Variants in C20orf202 observed in about 807,000 individuals in gnomAD.
C20orf202 encodes uncharacterized protein C20orf202.
A neutral mutation model predicts 5.3 loss-of-function variants in C20orf202; 5 were observed. The observed-to-expected ratio is 0.94, with a 90% CI of 0.49 to 1.98. The LOEUF (loss-of-function observed/expected upper bound fraction) is 1.98. Ranked by LOEUF, C20orf202 falls within the 30% of genes most tolerant of loss-of-function variation. The pLI is 0.01. For synonymous variants in C20orf202, 48 were observed against 50.0 expected (o/e 0.96, Z 0.16); for missense variants, 135 against 123.5 (o/e 1.09, Z -0.44).
In C20orf202 at chr20:1,207,185, A is replaced by T; in HGVS notation, c.*83A>T. On this transcript the variant is annotated 3_prime_UTR_variant, in exon 2 of 2. Coordinates refer to ENST00000400633, the MANE Select transcript of C20orf202 (RefSeq NM_001394958.1). ...TGATATTTCAGGGGCAGAGTGTTGGAATGGGAGTCAGAAAGCCAGGGCTCT... is the reference window on the plus strand; with the variant it reads ...TGATATTTCAGGGGCAGAGTGTTGGTATGGGAGTCAGAAAGCCAGGGCTCT... The T allele has an allele frequency of 9.8e-7, 1 of 1,022,318 alleles. No homozygotes were observed. Among genetic ancestry groups the T allele is most frequent in the Non-Finnish European group, 1.4e-6 (1 of 727,712 alleles). 63.3% of individuals were successfully genotyped at this position (1,022,318 alleles called of 1,614,324 possible).
chr20:1,205,897 A>C (rs1000142386), intron 1 of C20orf202, among the ~76,000 whole-genome samples: 3 of 152,078 alleles, frequency 2.0e-5, no homozygotes, highest in African/African-American at 7.2e-5. Context: ...CATTGCCTCT[A>C]CAAAAAATAG....
intron 1 of C20orf202, among the ~76,000 whole-genome samples, chr20:1,206,078 CA>C (rs1339503210): frequency 1.3e-5 from 2 of 151,694 alleles, no homozygotes; most frequent in Non-Finnish European, 2.9e-5. Flanking sequence ...AATAAATAAA[CA>C]GAAAGAAAAA....
chr20:1,207,287 T>C lies in C20orf202; in HGVS notation c.*185T>C. The C allele has an allele frequency of 2.1e-6, 1 of 474,834 alleles. No individual in the cohort carries two copies. Among genetic ancestry groups the C allele is most frequent in the South Asian group, 5.7e-5 (1 of 17,586 alleles). The allele number at this position is 474,834 out of a possible 1,614,324, so 29.4% of individuals were successfully genotyped here. A position where few individuals can be genotyped will look rare whatever the true frequency, so the allele number is the denominator to read the frequency against. On this transcript the variant is annotated 3_prime_UTR_variant, in exon 2 of 2. Transcript: ENST00000400633. ...TTCTCTGTGTCTCTGGTTCCTTTTC[T>C]GTCACTTGGGATTTCTTGGTGAGGC...
chr20:1,206,981 G>A lies in C20orf202; in HGVS notation c.179G>A (p.Gly60Glu). The A allele has an allele frequency of 6.4e-7, 1 of 1,551,706 alleles. No individual in the cohort carries two copies. The highest frequency in any genetic ancestry group is 1.2e-5 in the South Asian group (1 of 84,052). The part of the protein sequence containing the change: ...SAHWEDARSS[G>E]GTSPIRARAG... ...CACTGGGAGGACGCCAGGTCCAGCG[G>A]AGGGACATCCCCCATCAGAGCTCGA... The change falls in exon 2 of 2, where the codon GGA becomes GAA. Residue 60 changes from glycine to glutamate, a missense_variant. Gly to Glu is a moderately conservative substitution (Grantham distance 98, BLOSUM62 -2). Transcript: ENST00000400633.
chr20:1,206,078 C>T (rs948581107), intron 1 of C20orf202, among the ~76,000 whole-genome samples: 15 of 151,694 alleles, frequency 9.9e-5, no homozygotes, highest in African/African-American at 3.6e-4. Context: ...AATAAATAAA[C>T]AGAAAGAAAA....
At chr20:1,204,476 G>A (rs916590924) in intron 1 of C20orf202, among the ~76,000 whole-genome samples, 27 of 152,308 alleles carry the variant, frequency 1.8e-4, no homozygotes, top group African/African-American at 5.8e-4. Flanking sequence ...CTCCTGACCC[G>A]ATGTTATGTT....
intron 1 of C20orf202, among the ~76,000 whole-genome samples, 184 bp downstream of exon 1, chr20:1,203,835 G>A (rs1006889904): frequency 3.3e-5 from 5 of 152,148 alleles, no homozygotes; most frequent in African/African-American, 9.7e-5. Context: ...TAAGTAGGTC[G>A]TGGCCTATAT....
In C20orf202 at chr20:1,203,601, G is replaced by A. The variant is rs1291730838; in HGVS notation, c.16G>A (p.Glu6Lys). The part of the protein sequence containing the change: MKIAE[E>K]PSPSLGQTLE... ...GAACACTGAGATGAAAATAGCAGAA[G>A]AGCCCAGCCCGAGTCTTGGGCAGAC... The change falls in exon 1 of 2, where the codon GAG becomes AAG. Residue 6 changes from glutamate (E) to lysine (K), a missense_variant. Physicochemically the swap from Glu to Lys is moderately conservative, Grantham distance 56. Transcript: ENST00000400633. 4 of 1,551,466 alleles carry A rather than the reference G, an allele frequency of 2.6e-6. No individual in the cohort carries two copies. Among genetic ancestry groups the A allele is most frequent in the African/African-American group, 1.4e-5 (1 of 73,026 alleles).
At chr20:1,203,762 A>C in intron 1 of C20orf202, 111 bp downstream of exon 1, 1 of 1,213,328 alleles carries the variant, frequency 8.2e-7, no homozygotes, top group Non-Finnish European at 1.1e-6. Context: ...TACGGTATGG[A>C]CCCTGCAGTC....
intron 1 of C20orf202, among the ~76,000 whole-genome samples, chr20:1,204,288 C>T (rs1424725592): frequency 3.3e-5 from 5 of 152,104 alleles, no homozygotes; most frequent in Non-Finnish European, 7.3e-5. Context: ...AAGCAGCCTA[C>T]GGCTTCAGAA....
chr20:1,205,608 A>T (rs774859828), intron 1 of C20orf202, among the ~76,000 whole-genome samples: 13 of 152,136 alleles, frequency 8.5e-5, no homozygotes, highest in Non-Finnish European at 1.8e-4. Flanking sequence ...ATATCTAACC[A>T]TGTGTTGCCC....
In C20orf202 at chr20:1,208,558, G is replaced by T. The variant is rs1190158725; in HGVS notation, c.*1456G>T. ...GTTTGTTAGGCTTTGCCAATATACA[G>T]CATGGAGTTAGACTACAAGTCTAGA... On this transcript the variant is annotated 3_prime_UTR_variant, in exon 2 of 2. Transcript: ENST00000400633. 6.6e-6 allele frequency among the ~76,000 whole-genome samples: 1 copy of T among 152,184 alleles called. No individual in the cohort carries two copies. The highest frequency in any genetic ancestry group is 1.5e-5 in the Non-Finnish European group (1 of 68,024).
chr20:1,207,394 T>C lies in C20orf202; in HGVS notation c.*292T>C, dbSNP rs2087137283. ...AGTGCTCTGGCAAGCACCATGGCAG[T>C]AACCCTATCCTTGGGAATTTTTCAC... is the stretch of plus-strand genomic sequence containing the variant. On this transcript the variant is annotated 3_prime_UTR_variant, in exon 2 of 2. Coordinates refer to ENST00000400633, the MANE Select transcript of C20orf202 (RefSeq NM_001394958.1). 3 of 295,546 alleles carry C rather than the reference T, an allele frequency of 1.0e-5. No homozygotes were observed. Among genetic ancestry groups the C allele is most frequent in the African/African-American group, 4.3e-5 (2 of 46,624 alleles). 18.3% of individuals were successfully genotyped at this position (295,546 alleles called of 1,614,324 possible). A position where few individuals can be genotyped will look rare whatever the true frequency, so the allele number is the denominator to read the frequency against.
chr20:1,207,271 T>G lies in C20orf202; in HGVS notation c.*169T>G. The G allele has an allele frequency of 2.1e-6, 1 of 487,098 alleles. No individual in the cohort carries two copies. Among genetic ancestry groups the G allele is most frequent in the Non-Finnish European group, 3.7e-6 (1 of 270,462 alleles). The allele number at this position is 487,098 out of a possible 1,614,324, so 30.2% of individuals were successfully genotyped here. A position where few individuals can be genotyped will look rare whatever the true frequency, so the allele number is the denominator to read the frequency against. On this transcript the variant is annotated 3_prime_UTR_variant, in exon 2 of 2. Transcript: ENST00000400633. Reference sequence around the variant, plus strand: ...GGATCTGTCACTCAGCTTCTCTGTGTCTCTGGTTCCTTTTCTGTCACTTGG... The same window carrying G: ...GGATCTGTCACTCAGCTTCTCTGTGGCTCTGGTTCCTTTTCTGTCACTTGG...
chr20:1,205,946 G>A (rs1053892723), intron 1 of C20orf202, among the ~76,000 whole-genome samples: 2 of 151,956 alleles, frequency 1.3e-5, no homozygotes, highest in Admixed American at 6.6e-5. Context: ...CCAGCTACTC[G>A]GGAGGCTGAG....
rs888039993 is a variant in C20orf202, at chr20:1,207,258, C to G, written c.*156C>G. On this transcript the variant is annotated 3_prime_UTR_variant, in exon 2 of 2. Transcript: ENST00000400633. ...GCTGTGCATCCCTGGATCTGTCACTCAGCTTCTCTGTGTCTCTGGTTCCTT... is the reference window on the plus strand; with the variant it reads ...GCTGTGCATCCCTGGATCTGTCACTGAGCTTCTCTGTGTCTCTGGTTCCTT... The G allele has an allele frequency of 4.9e-5, 25 of 506,926 alleles. No individual in the cohort carries two copies. The highest frequency in any genetic ancestry group is 4.6e-4 in the African/African-American group (24 of 52,202). The allele number at this position is 506,926 out of a possible 1,614,324, so 31.4% of individuals were successfully genotyped here.
In C20orf202 at chr20:1,208,887, C is replaced by T. The variant is rs1022009340; in HGVS notation, c.*1785C>T. Among the ~76,000 whole-genome samples the T allele has an allele frequency of 1.6e-4, 24 of 152,182 alleles. No individual in the cohort carries two copies. Among genetic ancestry groups the T allele is most frequent in the African/African-American group, 5.5e-4 (23 of 41,442 alleles). On this transcript the variant is annotated 3_prime_UTR_variant, in exon 2 of 2. Coordinates refer to ENST00000400633, the MANE Select transcript of C20orf202 (RefSeq NM_001394958.1). ...TTTCTCAGATAGCTGAATTTAAACT[C>T]CAGGGAATTCCTCCTGTAAGTTTTA...
chr20:1,208,551 A>G lies in C20orf202; in HGVS notation c.*1449A>G, dbSNP rs1475074572. ...TGTTAGAGTTTGTTAGGCTTTGCCA[A>G]TATACAGCATGGAGTTAGACTACAA... On this transcript the variant is annotated 3_prime_UTR_variant, in exon 2 of 2. Transcript: ENST00000400633. Among the ~76,000 whole-genome samples, 4 of 152,322 alleles carry G rather than the reference A, an allele frequency of 2.6e-5. No homozygotes were observed. Among genetic ancestry groups the G allele is most frequent in the Non-Finnish European group, 5.9e-5 (4 of 68,024 alleles).
chr20:1,205,953 T>C (rs1437340944), intron 1 of C20orf202, among the ~76,000 whole-genome samples: 1 of 151,924 alleles, frequency 6.6e-6, no homozygotes, highest in Non-Finnish European at 1.5e-5. Flanking sequence ...CTCGGGAGGC[T>C]GAGGTGGGAG....
Sources: gnomAD v4.1 joint callset for allele counts (sites outside exome capture counted in the v4.1 genomes callset) on GRCh38, gnomAD v4.1.1 for gene constraint, MANE v1.5 for transcripts, NCBI Gene and HGNC (gene_info 2026-07-23, HGNC 2026-07-21) for gene names.